Variants in AGBL4 observed in about 807,000 individuals in gnomAD.
AGBL4 encodes the protein AGBL carboxypeptidase 4, also known as cytosolic carboxypeptidase 6.
AGBL4 carries 58 observed loss-of-function variants against 66.4 expected under a neutral mutation model. That is an observed-to-expected ratio of 0.87 (90% CI 0.71 to 1.09). The LOEUF (loss-of-function observed/expected upper bound fraction) is 1.09, where lower values mean the gene tolerates loss of function less well. Ranked by LOEUF, AGBL4 falls within the 50% of genes least tolerant of loss-of-function variation. The pLI, the probability that AGBL4 is intolerant of heterozygous loss-of-function variation, is 0.00. For missense variants in AGBL4, 579 were observed against 631.0 expected, an observed-to-expected ratio of 0.92 and a Z score of 0.88; for synonymous variants, 234 against 222.9, an observed-to-expected ratio of 1.05 and a Z score of -0.44.
chr1:48,929,709 C>A (rs537482008), intron 5 of AGBL4, among the ~76,000 whole-genome samples: 7 of 152,208 alleles, frequency 4.6e-5, no homozygotes, highest in African/African-American at 7.2e-5. Flanking sequence ...GGCACTCCAA[C>A]ATTGCCACTC....
At chr1:49,019,884 T>C (rs1398914620) in intron 5 of AGBL4, among the ~76,000 whole-genome samples, 2 of 152,224 alleles carry the variant, frequency 1.3e-5, no homozygotes, top group East Asian at 3.8e-4. Flanking sequence ...CACCTCAGTT[T>C]CCTGATCTTT....
intron 1 of AGBL4, among the ~76,000 whole-genome samples, chr1:49,876,235 G>C (rs1443259739): frequency 9.1e-6 from 1 of 110,416 alleles, no homozygotes; most frequent in African/African-American, 3.6e-5. Flanking sequence ...CCTTGCCCAC[G>C]CCTATGTCCT....
intron 3 of AGBL4, among the ~76,000 whole-genome samples, chr1:49,257,867 G>T (rs1341655670): frequency 6.6e-6 from 1 of 152,116 alleles, no homozygotes; most frequent in Non-Finnish European, 1.5e-5. Flanking sequence ...CCTCTAGAGG[G>T]TCCCTGACCC....
At chr1:49,595,412 T>C (rs1319368977) in intron 3 of AGBL4, among the ~76,000 whole-genome samples, 1 of 152,126 alleles carries the variant, frequency 6.6e-6, no homozygotes, top group East Asian at 1.9e-4. Flanking sequence ...GATTAATTTA[T>C]TTTTTAAATA....
rs565009764 is a variant in AGBL4 at position 48,890,600 on chromosome 1, T to C, written c.595-23370A>G. 1.1e-4 allele frequency among the ~76,000 whole-genome samples: 17 copies of C among 152,276 alleles called. No homozygotes were observed. The East Asian group carries it at 3.1e-3, about 28-fold the overall frequency. On this transcript the variant is annotated intron_variant, in intron 5 of 13. Coordinates refer to ENST00000371839, the MANE Select transcript of AGBL4 (RefSeq NM_032785.4). ...TCTTGTGTTTTTGTGATGTCCAATG[T>C]CCACTGAAGAGACTGTGGATTGTGG...
chr1:49,380,992 A>C (rs1644592367), intron 3 of AGBL4, among the ~76,000 whole-genome samples: 1 of 152,220 alleles, frequency 6.6e-6, no homozygotes, highest in African/African-American at 2.4e-5. Flanking sequence ...AAAATCGACA[A>C]ATGGGATCTA....
At position 49,639,875 on chromosome 1, in the gene AGBL4, A is replaced by C. The variant is rs182447167; in HGVS notation, c.282+57438T>G. ...AAAATAAACAGAATGAAGGCATCCA[A>C]AAAGGGTGGGAAAGGGTATTTCAGA... On this transcript the variant is annotated intron_variant, in intron 3 of 13. Coordinates refer to ENST00000371839, the MANE Select transcript of AGBL4 (RefSeq NM_032785.4). 1.1e-3 allele frequency among the ~76,000 whole-genome samples: 165 copies of C among 152,324 alleles called. 1 individual carries two copies. The highest frequency in any genetic ancestry group is 3.7e-3 in the African/African-American group (155 of 41,580).
chr1:49,598,011 T>C (rs1177017196), intron 3 of AGBL4, among the ~76,000 whole-genome samples: 2 of 152,222 alleles, frequency 1.3e-5, no homozygotes, highest in African/African-American at 2.4e-5. Flanking sequence ...GCTTTATTTC[T>C]TTCTCTTGCC....
At chr1:48,893,130 C>G (rs1651136098) in intron 5 of AGBL4, among the ~76,000 whole-genome samples, 1 of 152,108 alleles carries the variant, frequency 6.6e-6, no homozygotes, top group Non-Finnish European at 1.5e-5. Flanking sequence ...TGCCTGACAG[C>G]TGGGGCTGCT....
At chr1:48,890,385 G>A (rs752381079) in intron 5 of AGBL4, among the ~76,000 whole-genome samples, 1 of 152,088 alleles carries the variant, frequency 6.6e-6, no homozygotes, top group Non-Finnish European at 1.5e-5. Flanking sequence ...ATTGTGGTGA[G>A]GATTAAATAT....
intron 2 of AGBL4, among the ~76,000 whole-genome samples, chr1:49,820,033 A>C (rs1645328047): frequency 6.6e-6 from 1 of 152,088 alleles, no homozygotes; most frequent in Non-Finnish European, 1.5e-5. Flanking sequence ...AGCTCCAATA[A>C]AGACCCTCAT....
chr1:49,948,029 TA>T (rs1655496934), intron 1 of AGBL4, among the ~76,000 whole-genome samples: 1 of 31,392 alleles, frequency 3.2e-5, no homozygotes, highest in African/African-American at 1.3e-4. Flanking sequence ...TATATATAAA[TA>T]TATATACATA....
rs112694652 is a variant in AGBL4, at chr1:49,911,844, C to T, written c.35-60326G>A. Among the ~76,000 whole-genome samples, 275 of 152,314 alleles carry T rather than the reference C, an allele frequency of 1.8e-3. 3 individuals carry two copies. The highest frequency in any genetic ancestry group is 6.2e-3 in the African/African-American group (257 of 41,562). On this transcript the variant is annotated intron_variant, in intron 1 of 13. Coordinates refer to ENST00000371839, the MANE Select transcript of AGBL4 (RefSeq NM_032785.4). ...GCACTGGTGAAAAGGCTCACCTACC[C>T]CCTTACATTGGTCTTGGCAGTGAAT...
At chr1:49,781,819 C>A (rs1288192020) in intron 2 of AGBL4, among the ~76,000 whole-genome samples, 1 of 151,894 alleles carries the variant, frequency 6.6e-6, no homozygotes, top group Admixed American at 6.6e-5. Context: ...AACTAAATTA[C>A]AAGTTAACAC....
chr1:48,779,516 T>G (rs1340460448), intron 6 of AGBL4, among the ~76,000 whole-genome samples: 1 of 152,144 alleles, frequency 6.6e-6, no homozygotes, highest in Non-Finnish European at 1.5e-5. Flanking sequence ...GTCCCAGCAC[T>G]TTTTATCTTC....
At chr1:49,801,753 C>T (rs1479501583) in intron 2 of AGBL4, among the ~76,000 whole-genome samples, 1 of 152,128 alleles carries the variant, frequency 6.6e-6, no homozygotes, top group African/African-American at 2.4e-5. Flanking sequence ...CTAAGCAAAG[C>T]CAGACATATA....
intron 2 of AGBL4, among the ~76,000 whole-genome samples, chr1:49,732,590 T>A (rs1039211957): frequency 3.9e-4 from 60 of 151,958 alleles, no homozygotes; most frequent in African/African-American, 1.3e-3. Context: ...AATTATAAAA[T>A]AACCAAATGG....
intron 4 of AGBL4, among the ~76,000 whole-genome samples, chr1:49,230,407 C>T (rs1369070589): frequency 1.3e-5 from 2 of 152,180 alleles, no homozygotes; most frequent in Non-Finnish European, 2.9e-5. Context: ...TCTTTTTATA[C>T]TATCCAGTTT....
At chr1:49,701,857 C>T (rs1004801261) in intron 2 of AGBL4, among the ~76,000 whole-genome samples, 13 of 151,928 alleles carry the variant, frequency 8.6e-5, no homozygotes, top group African/African-American at 2.2e-4. Flanking sequence ...TGGCATTTGT[C>T]GTTTTAACAG....
Sources: allele counts gnomAD v4.1 joint callset (sites outside exome capture counted in the v4.1 genomes callset), GRCh38; gene constraint gnomAD v4.1.1; transcripts MANE v1.5; gene names NCBI Gene and HGNC (gene_info 2026-07-23, HGNC 2026-07-21).